The following DUS3L variants were observed in gnomAD, a reference collection of about 807,000 sequenced individuals.
DUS3L encodes tRNA-dihydrouridine(47) synthase [NAD(P)(+)]-like.
Under a neutral mutation model 74.6 loss-of-function variants are expected in DUS3L, and 62 were observed. That is an observed-to-expected ratio of 0.83 (90% CI 0.68 to 1.03). The LOEUF (loss-of-function observed/expected upper bound fraction) is 1.03. Among genes scored for constraint, DUS3L ranks in the 50% least tolerant of loss-of-function variants. DUS3L has a pLI of 0.00. For synonymous variants in DUS3L, 433 were observed against 395.7 expected (o/e 1.09, Z -1.12); for missense variants, 884 against 924.4 (o/e 0.96, Z 0.57).
At chr19:5,785,350 C>T in intron 12 of DUS3L, 33 bp downstream of exon 12, 1 of 1,605,292 alleles carries the variant, frequency 6.2e-7, no homozygotes, top group South Asian at 1.1e-5. Context: ...GGGCCCCCGA[C>T]TGCAGCTCCC....
rs181312961 is a variant in DUS3L, at chr19:5,788,224, C to T, written c.943-48G>A. 33 of 1,611,332 alleles carry T rather than the reference C, an allele frequency of 2.0e-5. No individual in the cohort carries two copies. In the East Asian group the frequency reaches 5.8e-4, roughly 28 times the overall value. ...ACACATGCTCTTGCACGCGCACACA[C>T]ACACACACACAGCAGAACCCTGAAT... is the stretch of plus-strand genomic sequence containing the variant. On this transcript the variant is annotated intron_variant, in intron 4 of 12. Coordinates refer to ENST00000309061, the MANE Select transcript of DUS3L (RefSeq NM_020175.3).
At chr19:5,789,844 C>T (rs2056892347) in intron 2 of DUS3L, 125 bp from the exon 3 acceptor site, 3 of 1,338,780 alleles carry the variant, frequency 2.2e-6, no homozygotes, top group Non-Finnish European at 2.0e-6. Flanking sequence ...GGCACCTCAC[C>T]GTGCCTCTGC....
In DUS3L at chr19:5,787,609, T is replaced by C; in HGVS notation, c.1192A>G (p.Ile398Val). 3 of 1,613,486 alleles carry C rather than the reference T, an allele frequency of 1.9e-6. No individual in the cohort carries two copies. Among genetic ancestry groups the C allele is most frequent in the South Asian group, 1.1e-5 (1 of 91,086 alleles). ...GCTACCTTCTTGTACACGAGGTCGATGGGGCAGCCGACGTTGATGTCCACA... is the reference window on the plus strand; with the variant it reads ...GCTACCTTCTTGTACACGAGGTCGACGGGGCAGCCGACGTTGATGTCCACA... ...DFVDINVGCP[I>V]DLVYKKGGGC... is the part of the protein sequence containing the mutation. The change falls in exon 6 of 13, where the codon ATC (isoleucine) becomes GTC (valine). Residue 398 changes from isoleucine (I) to valine (V), a missense_variant. Ile to Val is a conservative substitution (Grantham distance 29, BLOSUM62 3). Transcript: ENST00000309061.
chr19:5,786,245 G>A (rs2056840751), intron 10 of DUS3L, among the ~76,000 whole-genome samples: 1 of 152,154 alleles, frequency 6.6e-6, no homozygotes, highest in African/African-American at 2.4e-5. Context: ...CACACACCTG[G>A]CCAAAGCCCA....
chr19:5,791,155 A>G lies in DUS3L; in HGVS notation c.-14T>C, dbSNP rs2144741125. 1 of 1,594,584 alleles carries G rather than the reference A, an allele frequency of 6.3e-7. No individual in the cohort carries two copies. The highest frequency in any genetic ancestry group is 8.5e-7 in the Non-Finnish European group (1 of 1,170,588). On this transcript the variant is annotated 5_prime_UTR_variant, in exon 1 of 13. An upstream start codon of the reference 5' UTR is lost. Transcript: ENST00000309061. ...TCCCTCCGCCATCGGCGCCCCTCAC[A>G]TCCGCTCTGGAGTGTGGCGGGAAGA...
chr19:5,789,458 G>A lies in DUS3L; in HGVS notation c.649C>T (p.Gln217Ter). 5 of 1,602,278 alleles carry A rather than the reference G, an allele frequency of 3.1e-6. No individual in the cohort carries two copies. The highest frequency in any genetic ancestry group is 4.2e-6 in the Non-Finnish European group (5 of 1,178,770). Residue 217 changes from glutamine to a stop codon, truncating the protein, a stop_gained, in exon 3 of 13, where the codon CAG becomes TAG. Transcript: ENST00000309061. LOFTEE classifies it high-confidence loss of function. Reference sequence around the variant, plus strand: ...AAGCGGACCTCGCGCTTCCGCAGCTGCTGCTGCAGGGCTTTGTCCAGGCCG... The same window carrying A: ...AAGCGGACCTCGCGCTTCCGCAGCTACTGCTGCAGGGCTTTGTCCAGGCCG... ...RNGLDKALQQQLRKREVRFER... is the reference protein window; with the variant it reads ...RNGLDKALQQ
intron 1 of DUS3L, among the ~76,000 whole-genome samples, chr19:5,790,565 C>A (rs1299139389): frequency 6.6e-6 from 1 of 152,154 alleles, no homozygotes; most frequent in Non-Finnish European, 1.5e-5. Context: ...CAGGTTCAGT[C>A]AAGAACGTCC....
chr19:5,787,871 CCATCAGCCCCCAGAGGTGGATCAGGG>C (rs1193098276), intron 5 of DUS3L, among the ~76,000 whole-genome samples, 127 bp downstream of exon 5: 10 of 152,214 alleles, frequency 6.6e-5, no homozygotes, highest in Admixed American at 2.0e-4. Flanking sequence ...CCGGCCACGG[CCATCAGCCCCCAGAGGTGGATCAGGG>C]CATCACCCCC....
At position 5,786,545 on chromosome 19, in the gene DUS3L, G is replaced by A. The variant is rs376443352; in HGVS notation, c.1487-3C>T. On this transcript the variant is annotated splice_polypyrimidine_tract_variant and splice_region_variant and intron_variant, in intron 9 of 12. Transcript: ENST00000309061. Reference sequence around the variant, plus strand: ...AAATGACAAGATGTCCCCATTTCCTGAGGAGACAGAGGCTGGGGTCTCAGG... The same window carrying A: ...AAATGACAAGATGTCCCCATTTCCTAAGGAGACAGAGGCTGGGGTCTCAGG... 6 of 1,612,612 alleles carry A rather than the reference G, an allele frequency of 3.7e-6. No individual in the cohort carries two copies. The African/African-American group carries it at 8.0e-5, about 22-fold the overall frequency.
intron 3 of DUS3L, 112 bp downstream of exon 3, chr19:5,789,095 C>T: frequency 1.4e-6 from 2 of 1,433,144 alleles, no homozygotes; most frequent in East Asian, 2.6e-5. Flanking sequence ...TCCCTCAAGG[C>T]ACACAGCCTC....
At chr19:5,787,020 C>T (rs540299729) in intron 8 of DUS3L, 41 bp downstream of exon 8, 37 of 1,503,734 alleles carry the variant, frequency 2.5e-5, no homozygotes, top group African/African-American at 1.5e-4. Flanking sequence ...GACGCGGGGT[C>T]GACCGCGAGG....
chr19:5,788,376 TAA>T lies in DUS3L; in HGVS notation c.921_922del (p.Tyr308ProfsTer51), dbSNP rs1180078443. ...TCCTACCGTGGTGAGGGGGGCCAGG[TAA>T]AGTTTGCCACGGATGTCCAGCTGGA... On this transcript the variant is annotated frameshift_variant, in exon 4 of 13. Transcript: ENST00000309061. LOFTEE classifies it high-confidence loss of function. The T allele has an allele frequency of 2.5e-6, 4 of 1,613,634 alleles. No individual in the cohort carries two copies. The highest frequency in any genetic ancestry group is 1.3e-5 in the African/African-American group (1 of 75,020).
intron 6 of DUS3L, 34 bp downstream of exon 6, chr19:5,787,555 T>C: frequency 1.2e-6 from 2 of 1,605,810 alleles, no homozygotes; most frequent in Non-Finnish European, 1.7e-6. Context: ...CCTGCCCAGA[T>C]GGGGAAACCG....
intron 9 of DUS3L, 24 bp downstream of exon 9, chr19:5,786,725 G>A (rs748143918): frequency 1.2e-5 from 19 of 1,607,668 alleles, no homozygotes; most frequent in Middle Eastern, 1.7e-4. Context: ...AGGGGAGAGG[G>A]AGGTGGCTTC....
chr19:5,788,746 G>T (rs1287143471), intron 3 of DUS3L, among the ~76,000 whole-genome samples: 1 of 137,510 alleles, frequency 7.3e-6, no homozygotes, highest in Non-Finnish European at 1.5e-5. Context: ...TTGCTCTGTT[G>T]CCCAGGCTGG....
chr19:5,790,409 T>C (rs1261023023), intron 1 of DUS3L, 74 bp from the exon 2 acceptor site: 89 of 1,563,082 alleles, frequency 5.7e-5, no homozygotes, highest in Non-Finnish European at 7.3e-5. Flanking sequence ...CTAGAAACAC[T>C]TGCACGTCCT....
chr19:5,788,537 C>T (rs923989256), intron 3 of DUS3L, 139 bp from the exon 4 acceptor site: 8 of 850,440 alleles, frequency 9.4e-6, no homozygotes, highest in Non-Finnish European at 1.5e-5. Context: ...CTGCATGTGC[C>T]AATCAATCCC....
Position 5,787,190 on chromosome 19 carries a change from AGGTGGTGGGAGATG to A in DUS3L, c.1279-33_1279-20del. ...CCAGCACCTACAGGACGGTGGTGGG[AGGTGGTGGGAGATG>A]GTGGGAGGTGGTGGGAGACGGTGGG... On this transcript the variant is annotated intron_variant, in intron 7 of 12. Transcript: ENST00000309061. The A allele has an allele frequency of 1.3e-6, 2 of 1,501,788 alleles. No homozygotes were observed. The allele number at this position is 1,501,788 out of a possible 1,614,324, so 93.0% of individuals were successfully genotyped here. A position where few individuals can be genotyped will look rare whatever the true frequency, so the allele number is the denominator to read the frequency against.
intron 5 of DUS3L, 43 bp from the exon 6 acceptor site, chr19:5,787,748 C>T (rs760540610): frequency 1.3e-6 from 2 of 1,590,880 alleles, no homozygotes; most frequent in South Asian, 2.2e-5. Context: ...AGGGGAGAGT[C>T]CGAACTGTCC....
Sources: allele counts gnomAD v4.1 joint callset (sites outside exome capture counted in the v4.1 genomes callset), GRCh38; gene constraint gnomAD v4.1.1; transcripts MANE v1.5; gene names NCBI Gene and HGNC (gene_info 2026-07-23, HGNC 2026-07-21).